Variants in BICC1 observed in about 807,000 individuals in gnomAD.
BICC1 encodes BicC family RNA binding protein 1.
Under a neutral mutation model 111.0 loss-of-function variants are expected in BICC1, and 43 were observed. The observed-to-expected ratio is 0.39, with a 90% CI of 0.30 to 0.50. BICC1 has a LOEUF of 0.50. Among genes scored for constraint, BICC1 ranks in the 20% least tolerant of loss-of-function variants. The pLI, the probability that BICC1 is intolerant of heterozygous loss-of-function variation, is 0.88. For synonymous variants in BICC1, 467 were observed against 434.4 expected, an observed-to-expected ratio of 1.07 and a Z score of -0.93; for missense variants, 1,091 against 1,203.2, an observed-to-expected ratio of 0.91 and a Z score of 1.38.
intron 3 of BICC1, among the ~76,000 whole-genome samples, chr10:58,764,763 A>G (rs1372648525): frequency 6.6e-6 from 1 of 152,070 alleles, no homozygotes; most frequent in East Asian, 1.9e-4. Context: ...TAAAAACATA[A>G]GATCAGTGGG....
At chr10:58,799,436 A>C (rs1843467359) in intron 12 of BICC1, among the ~76,000 whole-genome samples, 184 bp downstream of exon 12, 1 of 152,160 alleles carries the variant, frequency 6.6e-6, no homozygotes, top group Non-Finnish European at 1.5e-5. Context: ...ATTTTTTTCA[A>C]CTTTTATTTT....
At chr10:58,749,780 G>A (rs1004073374) in intron 3 of BICC1, among the ~76,000 whole-genome samples, 46 of 152,126 alleles carry the variant, frequency 3.0e-4, no homozygotes, top group African/African-American at 9.2e-4. Context: ...GGCACCCAGT[G>A]CTTCAAAGTT....
chr10:58,633,341 T>G (rs1211461985), intron 2 of BICC1, among the ~76,000 whole-genome samples: 1 of 152,218 alleles, frequency 6.6e-6, no homozygotes, highest in Non-Finnish European at 1.5e-5. Flanking sequence ...AATACAATTG[T>G]CTACTCAAAG....
chr10:58,738,807 T>C (rs1292841067), intron 3 of BICC1, among the ~76,000 whole-genome samples: 6 of 151,782 alleles, frequency 4.0e-5, no homozygotes, highest in East Asian at 1.9e-4. Flanking sequence ...CCTTCACATC[T>C]CTTGTAAGTT....
chr10:58,742,094 T>C (rs1408584693), intron 3 of BICC1, among the ~76,000 whole-genome samples: 1 of 152,218 alleles, frequency 6.6e-6, no homozygotes, highest in Non-Finnish European at 1.5e-5. Flanking sequence ...GTTTGGATGT[T>C]CAATTTTATT....
chr10:58,758,739 T>C (rs1842217577), intron 3 of BICC1, among the ~76,000 whole-genome samples: 1 of 152,210 alleles, frequency 6.6e-6, no homozygotes, highest in Non-Finnish European at 1.5e-5. Context: ...TTTTTACTTG[T>C]GAAACATTTC....
intron 10 of BICC1, 133 bp downstream of exon 10, chr10:58,796,659 C>G: frequency 2.5e-6 from 2 of 797,786 alleles, no homozygotes; most frequent in Non-Finnish European, 3.8e-6. Flanking sequence ...AGATGAAAAG[C>G]CATACAACCT....
chr10:58,767,219 G>A (rs144068336), intron 3 of BICC1, among the ~76,000 whole-genome samples: 1 of 152,090 alleles, frequency 6.6e-6, no homozygotes, highest in African/African-American at 2.4e-5. Context: ...CTCTGGGATT[G>A]GAGGAAGGTA....
chr10:58,748,863 A>G (rs1841909038), intron 3 of BICC1, among the ~76,000 whole-genome samples: 1 of 151,920 alleles, frequency 6.6e-6, no homozygotes, highest in Non-Finnish European at 1.5e-5. Context: ...TGTTTTGGGA[A>G]CCTGCTTAGA....
intron 1 of BICC1, among the ~76,000 whole-genome samples, chr10:58,560,113 A>G (rs1195726693): frequency 2.6e-5 from 4 of 151,778 alleles, no homozygotes; most frequent in Admixed American, 6.6e-5. Context: ...CTCCTCTTCA[A>G]TTTTTTGGAG....
chr10:58,613,572 G>A (rs751076519), intron 1 of BICC1, among the ~76,000 whole-genome samples: 13 of 152,044 alleles, frequency 8.6e-5, no homozygotes, highest in Non-Finnish European at 1.6e-4. Context: ...TTTTTCTTCC[G>A]ATCCAGCTCT....
intron 1 of BICC1, among the ~76,000 whole-genome samples, chr10:58,561,405 G>T (rs780356710): frequency 2.0e-5 from 3 of 151,406 alleles, no homozygotes; most frequent in African/African-American, 4.9e-5. Flanking sequence ...GAATATTCTT[G>T]TTCATCCCTT....
chr10:58,581,843 A>T (rs1378188809), intron 1 of BICC1, among the ~76,000 whole-genome samples: 5 of 152,186 alleles, frequency 3.3e-5, no homozygotes, highest in Non-Finnish European at 5.9e-5. Flanking sequence ...ATTAAAAAAA[A>T]TACTTAAAAG....
intron 2 of BICC1, among the ~76,000 whole-genome samples, chr10:58,645,431 AAAAAGAG>A (rs1838241125): frequency 6.7e-6 from 1 of 148,934 alleles, no homozygotes; most frequent in South Asian, 2.1e-4. Flanking sequence ...AAAAAAAAAA[AAAAAGAG>A]GGAAAAGGTA....
At chr10:58,693,437 C>T (rs1839972895) in intron 2 of BICC1, among the ~76,000 whole-genome samples, 1 of 152,062 alleles carries the variant, frequency 6.6e-6, no homozygotes, top group Admixed American at 6.6e-5. Context: ...AATCGCCACA[C>T]TGACTTCCAC....
chr10:58,683,330 T>G (rs1839600398), intron 2 of BICC1, among the ~76,000 whole-genome samples: 2 of 152,224 alleles, frequency 1.3e-5, no homozygotes, highest in African/African-American at 4.8e-5. Context: ...GTGTCCAGTT[T>G]TGTTCTTTTT....
intron 1 of BICC1, among the ~76,000 whole-genome samples, chr10:58,578,744 C>A (rs1469325078): frequency 6.6e-6 from 1 of 152,100 alleles, no homozygotes; most frequent in Non-Finnish European, 1.5e-5. Context: ...TATCCCCTCG[C>A]CCCTCATCAG....
intron 1 of BICC1, among the ~76,000 whole-genome samples, chr10:58,574,508 A>G (rs928303531): frequency 5.5e-5 from 7 of 128,078 alleles, no homozygotes; most frequent in Non-Finnish European, 1.3e-4. Flanking sequence ...CACAAATACA[A>G]GCTTAATTTT....
intron 3 of BICC1, among the ~76,000 whole-genome samples, chr10:58,724,976 T>C (rs926398060): frequency 8.5e-5 from 13 of 152,172 alleles, no homozygotes; most frequent in Admixed American, 1.3e-4. Flanking sequence ...CATTTGAGGT[T>C]AGACACCTGT....
Sources: allele counts gnomAD v4.1 joint callset (sites outside exome capture counted in the v4.1 genomes callset), GRCh38; gene constraint gnomAD v4.1.1; transcripts MANE v1.5; gene names NCBI Gene and HGNC (gene_info 2026-07-23, HGNC 2026-07-21).